TJP2: variants seen among roughly 807,000 people sequenced by gnomAD.
The protein encoded by TJP2 is Friedreich ataxia region gene X104 (tight junction protein ZO-2).
In TJP2, 91 loss-of-function variants were observed where a neutral mutation model predicts 133.1. The observed-to-expected ratio is 0.68, with a 90% CI of 0.58 to 0.81. The LOEUF is 0.81. Among genes scored for constraint, TJP2 ranks in the 40% least tolerant of loss-of-function variants. The pLI is 0.00. For missense variants in TJP2, 1,541 were observed against 1,565.6 expected (o/e 0.98, Z 0.26); for synonymous variants, 592 against 583.4 (o/e 1.01, Z -0.21).
chr9:69,239,677 G>A (rs1223620617), intron 16 of TJP2, among the ~76,000 whole-genome samples: 1 of 151,996 alleles, frequency 6.6e-6, no homozygotes, highest in African/African-American at 2.4e-5. Context: ...TGGCCATGGT[G>A]GTGGCGGGCA....
At chr9:69,206,969 T>C (rs1427820056) in intron 1 of TJP2, among the ~76,000 whole-genome samples, 1 of 152,204 alleles carries the variant, frequency 6.6e-6, no homozygotes. Flanking sequence ...ACAAATGCCA[T>C]GAGCCCATTA....
chr9:69,243,035 T>G (rs1297170277), intron 17 of TJP2, among the ~76,000 whole-genome samples: 3 of 152,084 alleles, frequency 2.0e-5, no homozygotes, highest in African/African-American at 7.2e-5. Context: ...GGGTAATTTT[T>G]GTATTTTTTC....
rs144396411 is a variant in TJP2, at chr9:69,218,351, G to A, written c.334G>A (p.Ala112Thr). Residue 112 changes from alanine to threonine, a missense_variant, in exon 4 of 23, where the codon GCT becomes ACT. Ala to Thr is a moderately conservative substitution (Grantham distance 58). Transcript: ENST00000377245. The part of the protein sequence containing the change: ...VQQLRKSGKV[A>T]AIVVKRPRKV... ...GCAGCTCAGAAAAAGTGGGAAGGTCGCTGCTATTGTAAGTACTGGGTTTGC... is the reference window on the plus strand; with the variant it reads ...GCAGCTCAGAAAAAGTGGGAAGGTCACTGCTATTGTAAGTACTGGGTTTGC... 2.8e-4 allele frequency: 446 copies of A among 1,613,948 alleles called. 3 individuals carry two copies. In the East Asian group the frequency reaches 7.7e-3, roughly 28 times the overall value.
At chr9:69,145,319 C>A (rs551383528) in intron 1 of TJP2, among the ~76,000 whole-genome samples, 2 of 152,238 alleles carry the variant, frequency 1.3e-5, no homozygotes, top group East Asian at 3.9e-4. Context: ...GCTTTTTGGA[C>A]CAATTATTAC....
chr9:69,215,813 G>A (rs544625563), intron 2 of TJP2, among the ~76,000 whole-genome samples: 1 of 152,224 alleles, frequency 6.6e-6, no homozygotes, highest in African/African-American at 2.4e-5. Flanking sequence ...TGAGACAGGA[G>A]GCTCATTTGA....
At chr9:69,230,390 G>A (rs989361447) in intron 11 of TJP2, among the ~76,000 whole-genome samples, 158 bp downstream of exon 11, 4 of 152,186 alleles carry the variant, frequency 2.6e-5, no homozygotes, top group African/African-American at 9.7e-5. Flanking sequence ...TTCCTCAAAT[G>A]CGTCCTGTCT....
At chr9:69,227,743 C>T in intron 7 of TJP2, 22 bp from the exon 8 acceptor site, 1 of 1,486,274 alleles carries the variant, frequency 6.7e-7, no homozygotes, top group Non-Finnish European at 9.3e-7. Context: ...ATTTAAAAGT[C>T]TTTTCTTATT....
intron 1 of TJP2, among the ~76,000 whole-genome samples, chr9:69,185,262 A>G (rs1011219348): frequency 3.3e-5 from 5 of 151,956 alleles, no homozygotes; most frequent in Admixed American, 1.3e-4. Flanking sequence ...GGGTTTCACC[A>G]TGTTGGCCAG....
chr9:69,245,396 A>G (rs1403845169), intron 17 of TJP2, among the ~76,000 whole-genome samples: 1 of 152,206 alleles, frequency 6.6e-6, no homozygotes, highest in Admixed American at 6.5e-5. Context: ...AAGAAATCCT[A>G]ATTTACCTGC....
rs1395251197 is a variant in TJP2, at chr9:69,163,112, G to A, written c.-10+11341G>A. Among the ~76,000 whole-genome samples the A allele has an allele frequency of 4.6e-5, 2 of 43,916 alleles. 1 individual carries two copies. The highest frequency in any genetic ancestry group is 8.8e-5 in the Non-Finnish European group (2 of 22,810). The allele number at this position is 43,916 out of a possible 152,430, so 28.8% of individuals were successfully genotyped here. On this transcript the variant is annotated intron_variant, in intron 2 of 5. Transcript: ENST00000423935. ...GGGATCTCGGCTCACTGCAAGCTCC[G>A]CCTCCCGGGTTCACGCCATTCTCCT... is the stretch of plus-strand genomic sequence containing the variant.
At chr9:69,199,523 CT>C (rs1826836324) in intron 1 of TJP2, among the ~76,000 whole-genome samples, 1 of 147,972 alleles carries the variant, frequency 6.8e-6, no homozygotes, top group Non-Finnish European at 1.5e-5. Context: ...GAACAAGATC[CT>C]GTCTCAGACA....
intron 5 of TJP2, among the ~76,000 whole-genome samples, chr9:69,224,012 G>A (rs868697049): frequency 6.6e-6 from 1 of 152,194 alleles, no homozygotes. Flanking sequence ...TTCCTAAAAT[G>A]TGAACAGTTA....
chr9:69,204,611 A>G (rs1331994423), intron 1 of TJP2, among the ~76,000 whole-genome samples: 2 of 152,226 alleles, frequency 1.3e-5, no homozygotes, highest in Admixed American at 6.5e-5. Flanking sequence ...AGCAGCACCA[A>G]ATGAGTCTTA....
chr9:69,239,871 A>T (rs1830465099), intron 16 of TJP2, 66 bp from the exon 17 acceptor site: 1 of 1,289,356 alleles, frequency 7.8e-7, no homozygotes, highest in African/African-American at 1.5e-5. Flanking sequence ...ACTTATTAAA[A>T]CAAAGTATTT....
At chr9:69,154,791 TAATA>T (rs1406904555) in intron 2 of TJP2, among the ~76,000 whole-genome samples, 2 of 151,476 alleles carry the variant, frequency 1.3e-5, no homozygotes, top group African/African-American at 2.4e-5. Flanking sequence ...ATAAAAAAAT[TAATA>T]AATAAAAATT....
intron 1 of TJP2, among the ~76,000 whole-genome samples, chr9:69,150,764 C>G (rs1208147842): frequency 6.6e-6 from 1 of 152,154 alleles, no homozygotes; most frequent in Non-Finnish European, 1.5e-5. Flanking sequence ...AAAACAGGGG[C>G]AGCAATTCCA....
At chr9:69,148,622 G>A (rs537080199) in intron 1 of TJP2, among the ~76,000 whole-genome samples, 2 of 151,806 alleles carry the variant, frequency 1.3e-5, no homozygotes, top group African/African-American at 4.8e-5. Flanking sequence ...CACCCGCCTC[G>A]GCCTCCCAAA....
In TJP2 at chr9:69,240,012, AT is replaced by A. The variant is rs776869985; in HGVS notation, c.2438del (p.Phe813SerfsTer12). ...TTACACCCAGTGGTTCCCAATTGTG[AT>A]TTTTTTCAACCCAGACTCCAGACAA... Reference protein sequence around the residue: ...LNYTQWFPIVIFFNPDSRQGV... With the variant: ...LNYTQWFPIVXFFNPDSRQGV... On this transcript the variant is annotated frameshift_variant, in exon 17 of 23. Coordinates refer to ENST00000377245, the MANE Select transcript of TJP2 (RefSeq NM_004817.4). LOFTEE classifies it high-confidence loss of function. 6.2e-7 allele frequency: 1 copy of A among 1,614,000 alleles called. No individual in the cohort carries two copies. The highest frequency in any genetic ancestry group is 1.3e-5 in the African/African-American group (1 of 74,908).
chr9:69,210,928 A>T (rs897160401), intron 1 of TJP2, among the ~76,000 whole-genome samples: 7 of 151,940 alleles, frequency 4.6e-5, no homozygotes, highest in African/African-American at 1.7e-4. Flanking sequence ...GGGTCTCACT[A>T]TGTTGCACAG....
Sources: gnomAD v4.1 joint callset for allele counts (sites outside exome capture counted in the v4.1 genomes callset) on GRCh38, gnomAD v4.1.1 for gene constraint, MANE v1.5 for transcripts, NCBI Gene and HGNC (gene_info 2026-07-23, HGNC 2026-07-21) for gene names.